The following WWOX variants were observed in gnomAD, a reference collection of about 807,000 sequenced individuals.
The protein encoded by WWOX is WW domain containing oxidoreductase, also known as WW domain-containing oxidoreductase.
A neutral mutation model predicts 46.2 loss-of-function variants in WWOX; 69 were observed. The observed-to-expected ratio is 1.49, with a 90% CI of 1.23 to 1.82. The LOEUF is 1.82. Ranked by LOEUF, WWOX falls within the 40% of genes most tolerant of loss-of-function variation. The pLI is 0.00. For missense variants in WWOX, 919 were observed against 542.6 expected, an observed-to-expected ratio of 1.69 and a Z score of -6.89; for synonymous variants, 359 against 202.6, an observed-to-expected ratio of 1.77 and a Z score of -6.56.
chr16:78,663,630 C>G (rs546936852), intron 8 of WWOX, among the ~76,000 whole-genome samples: 2 of 152,226 alleles, frequency 1.3e-5, no homozygotes, highest in African/African-American at 4.8e-5. Context: ...TATGGCATGT[C>G]TTAGCAGTGA....
chr16:78,930,257 T>TCCTTCCTTCTGA (rs1567656739), intron 8 of WWOX, among the ~76,000 whole-genome samples: 2 of 127,090 alleles, frequency 1.6e-5, no homozygotes, highest in Non-Finnish European at 3.4e-5. Context: ...CTTCCTTCCT[T>TCCTTCCTTCTGA]CCTTCCTTCC....
chr16:78,900,576 T>C (rs929681446), intron 8 of WWOX, among the ~76,000 whole-genome samples: 3 of 152,218 alleles, frequency 2.0e-5, no homozygotes, highest in Non-Finnish European at 4.4e-5. Flanking sequence ...CTTCAGGTTA[T>C]TTGTAACCAG....
chr16:78,230,962 C>G (rs1212404633), intron 5 of WWOX, among the ~76,000 whole-genome samples: 1 of 152,246 alleles, frequency 6.6e-6, no homozygotes, highest in African/African-American at 2.4e-5. Context: ...ATGGATTTAA[C>G]AGGTATCTTT....
Position 78,273,000 on chromosome 16 carries a change from TTTTGTTTGTTTA to T in WWOX, c.516+108723_516+108734del, listed in dbSNP as rs1461355113. ...ATAGATGGTTACTGATTACAGGGAT[TTTTGTTTGTTTA>T]TTTGTTTGTTTGTTTCTTCTTGATA... On this transcript the variant is annotated intron_variant, in intron 5 of 8. Coordinates refer to ENST00000566780, the MANE Select transcript of WWOX (RefSeq NM_016373.4). Among the ~76,000 whole-genome samples, 27 of 152,114 alleles carry T rather than the reference TTTTGTTTGTTTA, an allele frequency of 1.8e-4. 1 individual carries two copies. Among genetic ancestry groups the T allele is most frequent in the Non-Finnish European group, 2.9e-5 (2 of 67,998 alleles).
chr16:78,101,385 C>T (rs1204509309), intron 1 of WWOX, among the ~76,000 whole-genome samples: 3 of 105,576 alleles, frequency 2.8e-5, no homozygotes, highest in Non-Finnish European at 4.0e-5. Flanking sequence ...CTCGCTCCGT[C>T]GCCCAAACTG....
At chr16:78,676,131 TGA>T (rs145402252) in intron 8 of WWOX, among the ~76,000 whole-genome samples, 4,402 of 152,054 alleles carry the variant, frequency 0.029, 91 homozygotes, top group Non-Finnish European at 0.045. Context: ...ACAACCAGAC[TGA>T]GAGCCCCCAA....
chr16:78,327,214 T>C (rs190093322), intron 5 of WWOX, among the ~76,000 whole-genome samples: 3 of 152,160 alleles, frequency 2.0e-5, no homozygotes, highest in South Asian at 2.1e-4. Flanking sequence ...GTCTGTCTTA[T>C]GAAAGATGAT....
chr16:79,081,593 C>G (rs56160470), intron 8 of WWOX, among the ~76,000 whole-genome samples: 12,733 of 152,278 alleles, frequency 0.084, 632 homozygotes, highest in Non-Finnish European at 0.097. Context: ...AATCTTTACT[C>G]TCTTTGAGCC....
intron 8 of WWOX, among the ~76,000 whole-genome samples, chr16:78,812,345 A>AC (rs2051211472): frequency 6.6e-6 from 1 of 152,142 alleles, no homozygotes; most frequent in Non-Finnish European, 1.5e-5. Context: ...TCAGGGTGAC[A>AC]CCGATTTAAC....
At chr16:78,389,623 T>C (rs891255018) in intron 6 of WWOX, among the ~76,000 whole-genome samples, 2 of 152,126 alleles carry the variant, frequency 1.3e-5, no homozygotes, top group Non-Finnish European at 2.9e-5. Flanking sequence ...ACTATACAGA[T>C]AAGGAAAGTG....
At chr16:78,225,553 T>C (rs1473765862) in intron 5 of WWOX, among the ~76,000 whole-genome samples, 1 of 152,242 alleles carries the variant, frequency 6.6e-6, no homozygotes, top group Non-Finnish European at 1.5e-5. Context: ...TTGACTCATA[T>C]GTCTTACTGG....
At chr16:79,171,362 C>G (rs1364778619) in intron 8 of WWOX, among the ~76,000 whole-genome samples, 1 of 152,064 alleles carries the variant, frequency 6.6e-6, no homozygotes, top group Non-Finnish European at 1.5e-5. Context: ...TATTTATTTC[C>G]CACACTGAAC....
At chr16:78,112,552 A>G (rs1199748440) in intron 3 of WWOX, among the ~76,000 whole-genome samples, 1 of 152,160 alleles carries the variant, frequency 6.6e-6, no homozygotes, top group Admixed American at 6.5e-5. Context: ...GCTGTCTAGC[A>G]GTTGGATAGG....
chr16:79,041,544 G>C (rs547296222), intron 8 of WWOX, among the ~76,000 whole-genome samples: 4 of 152,242 alleles, frequency 2.6e-5, no homozygotes, highest in African/African-American at 9.6e-5. Context: ...CTTAGCAGGG[G>C]GCCAAGGAGG....
At chr16:78,915,752 G>A (rs769505832) in intron 8 of WWOX, among the ~76,000 whole-genome samples, 7 of 151,940 alleles carry the variant, frequency 4.6e-5, no homozygotes, top group South Asian at 2.1e-4. Context: ...TCAAACATTT[G>A]CTTATTGGAA....
At chr16:79,043,535 A>G (rs1182497790) in intron 8 of WWOX, among the ~76,000 whole-genome samples, 1 of 152,158 alleles carries the variant, frequency 6.6e-6, no homozygotes, top group African/African-American at 2.4e-5. Flanking sequence ...AGCTGGATCC[A>G]GGATCCGACA....
intron 8 of WWOX, among the ~76,000 whole-genome samples, chr16:78,619,326 C>T (rs1197455060): frequency 7.8e-6 from 1 of 128,426 alleles, no homozygotes; most frequent in East Asian, 2.3e-4. Flanking sequence ...ATCGCCACTG[C>T]ACTCCAGCCT....
At chr16:78,104,358 C>CAT (rs2032006846) in intron 1 of WWOX, among the ~76,000 whole-genome samples, 1 of 134,072 alleles carries the variant, frequency 7.5e-6, no homozygotes, top group African/African-American at 2.8e-5. Flanking sequence ...CATGCACGCA[C>CAT]ATACACACAC....
At chr16:78,569,252 A>G (rs989992304) in intron 8 of WWOX, among the ~76,000 whole-genome samples, 1 of 152,214 alleles carries the variant, frequency 6.6e-6, no homozygotes, top group Non-Finnish European at 1.5e-5. Flanking sequence ...TTGTCTCTCT[A>G]TATTGTTATT....
Sources: gnomAD v4.1 joint callset for allele counts (sites outside exome capture counted in the v4.1 genomes callset) on GRCh38, gnomAD v4.1.1 for gene constraint, MANE v1.5 for transcripts, NCBI Gene and HGNC (gene_info 2026-07-23, HGNC 2026-07-21) for gene names.